Variants in MRS2 observed in about 807,000 individuals in gnomAD.
MRS2 encodes magnesium transporter MRS2.
MRS2 carries 40 observed loss-of-function variants against 52.6 expected under a neutral mutation model. The ratio of observed to expected loss-of-function variants is 0.76; its 90% CI spans 0.59 to 0.99. The LOEUF (loss-of-function observed/expected upper bound fraction) is 0.99. Ranked by LOEUF, MRS2 falls within the 50% of genes least tolerant of loss-of-function variation. The probability of loss-of-function intolerance (pLI) is 0.00; values close to 1 mark genes in which losing one functional copy is unlikely to be tolerated. For synonymous variants in MRS2, 193 were observed against 195.9 expected (o/e 0.98, Z 0.13); for missense variants, 472 against 532.7 (o/e 0.89, Z 1.12).
chr6:24,403,847 G>T (rs1581692143), intron 1 of MRS2, among the ~76,000 whole-genome samples: 1 of 152,222 alleles, frequency 6.6e-6, no homozygotes, highest in African/African-American at 2.4e-5. Context: ...GATTGGGGAC[G>T]CACCTAGAAG....
intron 7 of MRS2, among the ~76,000 whole-genome samples, chr6:24,416,739 A>G (rs1357389074): frequency 1.3e-5 from 2 of 152,194 alleles, no homozygotes; most frequent in Non-Finnish European, 2.9e-5. Flanking sequence ...TGTGGTGAAT[A>G]TAAACACACA....
intron 9 of MRS2, 35 bp from the exon 10 acceptor site, chr6:24,422,902 G>A (rs778474266): frequency 4.3e-5 from 63 of 1,459,652 alleles, no homozygotes; most frequent in Non-Finnish European, 5.2e-5. Context: ...GGAACCTGGC[G>A]TTTTGCGATG....
intron 5 of MRS2, among the ~76,000 whole-genome samples, chr6:24,414,675 GAC>G (rs1761782832): frequency 6.6e-6 from 1 of 152,214 alleles, no homozygotes; most frequent in South Asian, 2.1e-4. Context: ...ACACCTCCCA[GAC>G]GGGGTGGCGG....
rs374164995 is a variant in MRS2, at chr6:24,405,662, TCA to T, written c.264+425_264+426del. Among the ~76,000 whole-genome samples the T allele has an allele frequency of 9.6e-4, 145 of 151,640 alleles. 4 individuals are homozygous for T. In the East Asian group the frequency reaches 0.025, roughly 26 times the overall value. On this transcript the variant is annotated intron_variant, in intron 2 of 10. Transcript: ENST00000378386. ...GGAAATGAATGAATAAGATAATGTA[TCA>T]CACGTATTTTTAGAGAAAGAAGGCT...
At chr6:24,405,307 G>C in intron 2 of MRS2, 66 bp downstream of exon 2, 1 of 1,176,580 alleles carries the variant, frequency 8.5e-7, no homozygotes, top group Non-Finnish European at 1.3e-6. Flanking sequence ...TAACTCGTTG[G>C]ACTGTTGGCC....
chr6:24,408,380 C>T, intron 2 of MRS2, 28 bp from the exon 3 acceptor site: 1 of 1,441,374 alleles, frequency 6.9e-7, no homozygotes, highest in Non-Finnish European at 9.7e-7. Flanking sequence ...GAAAGAAAAT[C>T]ATAATTTGTT....
chr6:24,420,794 C>T (rs1251279788), intron 9 of MRS2, among the ~76,000 whole-genome samples: 3 of 151,988 alleles, frequency 2.0e-5, no homozygotes, highest in Non-Finnish European at 2.9e-5. Flanking sequence ...GAGGCAGGAA[C>T]GATCTGAGCT....
chr6:24,414,117 A>G (rs1019157972), intron 5 of MRS2, among the ~76,000 whole-genome samples: 3 of 150,790 alleles, frequency 2.0e-5, no homozygotes, highest in Admixed American at 1.3e-4. Context: ...TCATTACTTC[A>G]TAATGAATGT....
At chr6:24,410,875 T>C in intron 4 of MRS2, 2 of 761,364 alleles carry the variant, frequency 2.6e-6, no homozygotes, top group Non-Finnish European at 4.2e-6. Flanking sequence ...CACTGCAATC[T>C]TTCAACTTTT....
intron 4 of MRS2, among the ~76,000 whole-genome samples, chr6:24,411,173 G>C (rs532747797): frequency 1.8e-4 from 27 of 147,970 alleles, no homozygotes; most frequent in Non-Finnish European, 3.9e-4. Flanking sequence ...CTGGGTGACA[G>C]AGCAAGACTT....
At chr6:24,417,082 C>G (rs761853363) in intron 7 of MRS2, among the ~76,000 whole-genome samples, 1 of 152,168 alleles carries the variant, frequency 6.6e-6, no homozygotes, top group East Asian at 1.9e-4. Context: ...TTAGTTTCCA[C>G]AGTCTGTACA....
intron 3 of MRS2, among the ~76,000 whole-genome samples, 175 bp from the exon 4 acceptor site, chr6:24,409,286 A>T (rs953339123): frequency 1.3e-5 from 2 of 152,214 alleles, no homozygotes; most frequent in African/African-American, 4.8e-5. Flanking sequence ...GTTTGACTCT[A>T]TTTAGCCCGA....
Position 24,403,072 on chromosome 6 carries a change from G to A in MRS2, c.26G>A (p.Cys9Tyr), listed in dbSNP as rs752165493. 6 of 1,610,752 alleles carry A rather than the reference G, an allele frequency of 3.7e-6. No individual in the cohort carries two copies. In the East Asian group the frequency reaches 1.3e-4, roughly 36 times the overall value. MECLRSLP[C>Y]LLPRAMRLPR... ...ATGGAATGCCTGCGCAGTTTACCCT[G>A]CCTCCTGCCCCGCGCGATGAGACTT... The change falls in exon 1 of 11, where the codon TGC (cysteine) becomes TAC (tyrosine). Residue 9 changes from cysteine (C) to tyrosine (Y), a missense_variant. Transcript: ENST00000378386.
At chr6:24,409,627 C>T (rs937178406) in intron 4 of MRS2, 54 bp downstream of exon 4, 22 of 1,101,416 alleles carry the variant, frequency 2.0e-5, no homozygotes, top group Non-Finnish European at 2.7e-6. Flanking sequence ...ATAAAAGTTA[C>T]CTTCTAACTA....
chr6:24,422,798 T>G (rs1163906332), intron 9 of MRS2, 139 bp from the exon 10 acceptor site: 1 of 516,610 alleles, frequency 1.9e-6, no homozygotes, highest in Non-Finnish European at 3.5e-6. Flanking sequence ...ATCAAGGCCC[T>G]TGTTTTTCTT....
intron 1 of MRS2, 49 bp downstream of exon 1, chr6:24,403,285 C>A (rs1170679227): frequency 1.4e-6 from 2 of 1,476,526 alleles, no homozygotes; most frequent in Non-Finnish European, 1.8e-6. Context: ...CTTGCAGTGA[C>A]CTTAGACTGC....
At chr6:24,420,661 T>G (rs775917411) in intron 9 of MRS2, among the ~76,000 whole-genome samples, 1 of 152,034 alleles carries the variant, frequency 6.6e-6, no homozygotes, top group Non-Finnish European at 1.5e-5. Flanking sequence ...TGTTAGGCAG[T>G]AGGATGTGTG....
chr6:24,423,204 G>T, intron 10 of MRS2, 154 bp downstream of exon 10: 1 of 598,808 alleles, frequency 1.7e-6, no homozygotes, highest in South Asian at 2.2e-5. Context: ...CAGTTAAGTC[G>T]GTATTACCTG....
intron 5 of MRS2, among the ~76,000 whole-genome samples, chr6:24,414,722 C>A (rs1396892979): frequency 6.6e-6 from 1 of 152,126 alleles, no homozygotes; most frequent in Non-Finnish European, 1.5e-5. Flanking sequence ...CCAGACGGGG[C>A]GGCCGGGCAG....
Sources: allele counts gnomAD v4.1 joint callset (sites outside exome capture counted in the v4.1 genomes callset), GRCh38; gene constraint gnomAD v4.1.1; transcripts MANE v1.5; gene names NCBI Gene and HGNC (gene_info 2026-07-23, HGNC 2026-07-21).